The following PACS1 variants were observed in gnomAD, a reference collection of about 807,000 sequenced individuals.
PACS1 encodes PACS-1.
In PACS1, 24 loss-of-function variants were observed where a neutral mutation model predicts 115.0. That is an observed-to-expected ratio of 0.21 (90% CI 0.15 to 0.29). The LOEUF (loss-of-function observed/expected upper bound fraction) is 0.29, where lower values mean the gene tolerates loss of function less well. PACS1 is among the 10% of genes least tolerant of loss of function. The pLI is 1.00. For synonymous variants in PACS1, 453 were observed against 504.5 expected, an observed-to-expected ratio of 0.90 and a Z score of 1.37; for missense variants, 838 against 1,251.2, an observed-to-expected ratio of 0.67 and a Z score of 4.98.
intron 1 of PACS1, among the ~76,000 whole-genome samples, chr11:66,151,178 C>T (rs943892976): frequency 6.6e-6 from 1 of 151,406 alleles, no homozygotes; most frequent in African/African-American, 2.4e-5. Context: ...TAAAAACCAG[C>T]CAACCAATGA....
chr11:66,099,853 G>A (rs796184980), intron 1 of PACS1, among the ~76,000 whole-genome samples: 8 of 151,032 alleles, frequency 5.3e-5, no homozygotes, highest in African/African-American at 1.9e-4. Flanking sequence ...GCCTATATCT[G>A]TTTTTGTTTT....
At chr11:66,216,485 AT>A in intron 5 of PACS1, 34 bp from the exon 6 acceptor site, 1 of 1,576,156 alleles carries the variant, frequency 6.3e-7, no homozygotes, top group Non-Finnish European at 8.7e-7. Flanking sequence ...AGATCTTCCC[AT>A]TGCAAGGTTA....
chr11:66,197,893 A>AT (rs1169048264), intron 2 of PACS1, among the ~76,000 whole-genome samples: 1 of 152,192 alleles, frequency 6.6e-6, no homozygotes, highest in Non-Finnish European at 1.5e-5. Flanking sequence ...TTGCGTCTGG[A>AT]TTTTTTTCAT....
intron 8 of PACS1, 173 bp from the exon 9 acceptor site, chr11:66,220,458 C>A (rs755023120): frequency 3.2e-6 from 2 of 632,740 alleles, no homozygotes; most frequent in Non-Finnish European, 5.5e-6. Flanking sequence ...TCACCATGTC[C>A]CCGCCCTCAG....
At chr11:66,105,852 T>G (rs117935011) in intron 1 of PACS1, among the ~76,000 whole-genome samples, 5 of 152,194 alleles carry the variant, frequency 3.3e-5, no homozygotes, top group Non-Finnish European at 7.3e-5. Context: ...GGGAGGAGTA[T>G]GCCTATAAGC....
Position 66,170,731 on chromosome 11 carries a change from A to G in PACS1, c.357-22755A>G, listed in dbSNP as rs1021989359. ...GGCAGGTGGATAGCTTGAGTCAAAG[A>G]GTTCGAGACCAGCCTGGGCAACATG... On this transcript the variant is annotated intron_variant, in intron 1 of 23. Transcript: ENST00000320580. 2.7e-5 allele frequency among the ~76,000 whole-genome samples: 4 copies of G among 147,612 alleles called. 1 individual carries two copies. The highest frequency in any genetic ancestry group is 1.1e-4 in the African/African-American group (4 of 37,932).
chr11:66,180,286 C>T (rs1859973694), intron 1 of PACS1, among the ~76,000 whole-genome samples: 1 of 152,010 alleles, frequency 6.6e-6, no homozygotes, highest in African/African-American at 2.4e-5. Context: ...GGTTGATTCT[C>T]TTGAGATCCA....
Position 66,192,040 on chromosome 11 carries a change from A to G in PACS1, c.357-1446A>G, listed in dbSNP as rs79718906. On this transcript the variant is annotated intron_variant, in intron 1 of 23. Coordinates refer to ENST00000320580, the MANE Select transcript of PACS1 (RefSeq NM_018026.4). ...TCTGTCTCAAAAAAAAAAGAAAGAA[A>G]GTTCTTGAGTGAGGTTAATTCAAAA... Among the ~76,000 whole-genome samples the G allele has an allele frequency of 0.012, 1,825 of 151,998 alleles. 85 individuals carry two copies. In the East Asian group the frequency reaches 0.17, roughly 14 times the overall value.
chr11:66,136,286 C>T lies in PACS1; in HGVS notation c.357-57200C>T, dbSNP rs912449702. On this transcript the variant is annotated intron_variant, in intron 1 of 23. Coordinates refer to ENST00000320580, the MANE Select transcript of PACS1 (RefSeq NM_018026.4). ...TAACACACACACACACACACACACA[C>T]GCCAAGAATGTGAAACAGGACTGCC... Among the ~76,000 whole-genome samples, 17 of 149,852 alleles carry T rather than the reference C, an allele frequency of 1.1e-4. No homozygotes were observed. In the South Asian group the frequency reaches 1.9e-3, roughly 17 times the overall value.
intron 9 of PACS1, 85 bp downstream of exon 9, chr11:66,220,876 AT>A: frequency 7.2e-7 from 1 of 1,391,812 alleles, no homozygotes; most frequent in Non-Finnish European, 9.9e-7. Context: ...TGTCCCCTCT[AT>A]TACCAGAGAA....
intron 1 of PACS1, among the ~76,000 whole-genome samples, chr11:66,119,609 C>G (rs1011612672): frequency 6.6e-6 from 1 of 152,270 alleles, no homozygotes; most frequent in African/African-American, 2.4e-5. Context: ...CTTTTCCTAT[C>G]TCCCACCAAA....
At position 66,227,591 on chromosome 11, in the gene PACS1, A is replaced by G. The variant is rs747393815; in HGVS notation, c.1374+7A>G. The G allele has an allele frequency of 1.3e-6, 2 of 1,572,436 alleles. No homozygotes were observed. The highest frequency in any genetic ancestry group is 3.6e-5 in the Admixed American group (2 of 55,602). Reference sequence around the variant, plus strand: ...GACTGAAACAGACACTCTGGTATGTATGGGTCAGTTTCCTGTTTCAGCTGT... The same window carrying G: ...GACTGAAACAGACACTCTGGTATGTGTGGGTCAGTTTCCTGTTTCAGCTGT... On this transcript the variant is annotated splice_region_variant and intron_variant, in intron 11 of 23. Transcript: ENST00000320580.
chr11:66,074,527 G>A (rs1417497017), intron 1 of PACS1, among the ~76,000 whole-genome samples: 1 of 152,122 alleles, frequency 6.6e-6, no homozygotes, highest in African/African-American at 2.4e-5. Context: ...AATTTTACAA[G>A]CATTCAAAAT....
intron 1 of PACS1, among the ~76,000 whole-genome samples, chr11:66,171,045 G>A (rs564458042): frequency 6.0e-5 from 9 of 150,326 alleles, no homozygotes; most frequent in Non-Finnish European, 1.2e-4. Flanking sequence ...TCATGTGTTC[G>A]TTTGAATATT....
chr11:66,241,316 G>A, intron 21 of PACS1, 111 bp from the exon 22 acceptor site: 1 of 732,146 alleles, frequency 1.4e-6, no homozygotes, highest in Non-Finnish European at 2.3e-6. Flanking sequence ...CAGAGCTGCA[G>A]CCTTCCTCAG....
At chr11:66,147,264 T>C (rs1396084723) in intron 1 of PACS1, among the ~76,000 whole-genome samples, 1 of 152,146 alleles carries the variant, frequency 6.6e-6, no homozygotes, top group Non-Finnish European at 1.5e-5. Flanking sequence ...GCAAAAGTAT[T>C]CTTCAAAAAT....
chr11:66,082,310 G>A (rs577976522), intron 1 of PACS1, among the ~76,000 whole-genome samples: 81 of 152,068 alleles, frequency 5.3e-4, no homozygotes, highest in African/African-American at 1.8e-3. Flanking sequence ...CTGCAGCCTC[G>A]AATTCCTGGA....
intron 2 of PACS1, 119 bp from the exon 3 acceptor site, chr11:66,210,243 C>A: frequency 2.7e-6 from 2 of 744,156 alleles, no homozygotes; most frequent in Non-Finnish European, 4.8e-6. Context: ...CTATGTTGCC[C>A]CAGGCTGGTC....
At chr11:66,081,054 C>T (rs1474579044) in intron 1 of PACS1, among the ~76,000 whole-genome samples, 1 of 151,830 alleles carries the variant, frequency 6.6e-6, no homozygotes, top group Non-Finnish European at 1.5e-5. Context: ...CATAGGGAGA[C>T]CCCGTCTGTA....
Sources: allele counts gnomAD v4.1 joint callset (sites outside exome capture counted in the v4.1 genomes callset), GRCh38; gene constraint gnomAD v4.1.1; transcripts MANE v1.5; gene names NCBI Gene and HGNC (gene_info 2026-07-23, HGNC 2026-07-21).